The following G3BP2 variants were observed in gnomAD, a reference collection of about 807,000 sequenced individuals.
The protein encoded by G3BP2 is G3BP stress granule assembly factor 2.
Under a neutral mutation model 56.7 loss-of-function variants are expected in G3BP2, and 11 were observed. The observed-to-expected ratio is 0.19, with a 90% CI of 0.12 to 0.32. The LOEUF (loss-of-function observed/expected upper bound fraction) is 0.32, where lower values mean the gene tolerates loss of function less well. G3BP2 is among the 10% of genes least tolerant of loss of function. G3BP2 has a pLI of 1.00. For synonymous variants in G3BP2, 165 were observed against 191.6 expected, an observed-to-expected ratio of 0.86 and a Z score of 1.15; for missense variants, 340 against 610.9, an observed-to-expected ratio of 0.56 and a Z score of 4.67.
At chr4:75,659,197 T>A (rs997136628) in intron 2 of G3BP2, among the ~76,000 whole-genome samples, 9 of 152,236 alleles carry the variant, frequency 5.9e-5, no homozygotes, top group Non-Finnish European at 1.3e-4. Flanking sequence ...TCATTAGATA[T>A]TCACATCTAT....
At chr4:75,715,697 G>A (rs1719903100) in intron 3 of G3BP2, among the ~76,000 whole-genome samples, 1 of 152,220 alleles carries the variant, frequency 6.6e-6, no homozygotes, top group Admixed American at 6.5e-5. Flanking sequence ...GTGCAGGAAA[G>A]AAGACACTGA....
upstream of G3BP2, among the ~76,000 whole-genome samples, chr4:75,676,312 T>C (rs1194319872): frequency 2.0e-5 from 3 of 151,814 alleles, no homozygotes; most frequent in East Asian, 5.8e-4. Context: ...CTCACACCAA[T>C]TTATTGACAG....
chr4:75,661,865 AATAT>A (rs1234697477), intron 2 of G3BP2, 62 bp downstream of exon 2: 2 of 773,552 alleles, frequency 2.6e-6, no homozygotes, highest in African/African-American at 1.8e-5. Flanking sequence ...GGAAATGCAA[AATAT>A]ATATAGTCAT....
At chr4:75,721,591 C>T (rs6531889) in intron 2 of G3BP2, among the ~76,000 whole-genome samples, 1 of 152,052 alleles carries the variant, frequency 6.6e-6, no homozygotes, top group Non-Finnish European at 1.5e-5. Flanking sequence ...TTATAACCTA[C>T]CAAAATAATA....
At chr4:75,648,983 ACAGT>A (rs1731456536) in intron 8 of G3BP2, 1 of 311,982 alleles carries the variant, frequency 3.2e-6, no homozygotes, top group South Asian at 1.2e-4. Flanking sequence ...GTTGCTTTTT[ACAGT>A]CACATTTTTT....
chr4:75,666,086 TA>T (rs1037984034), intron 1 of G3BP2, among the ~76,000 whole-genome samples: 2 of 152,184 alleles, frequency 1.3e-5, no homozygotes, highest in African/African-American at 2.4e-5. Context: ...AAATGGTACA[TA>T]ATACATATAT....
chr4:75,666,093 T>C (rs778632131), intron 1 of G3BP2, among the ~76,000 whole-genome samples: 1 of 152,144 alleles, frequency 6.6e-6, no homozygotes, highest in Non-Finnish European at 1.5e-5. Flanking sequence ...ACATAATACA[T>C]ATATAATATC....
intron 3 of G3BP2, among the ~76,000 whole-genome samples, chr4:75,682,719 T>C (rs144148455): frequency 0.01 from 1,527 of 152,106 alleles, 20 homozygotes; most frequent in African/African-American, 0.034. Flanking sequence ...CGGTTGCTCA[T>C]GCCTGTAATC....
chr4:75,711,071 A>G (rs10033564), intron 3 of G3BP2, among the ~76,000 whole-genome samples: 98,643 of 152,008 alleles, frequency 0.65, 32,304 homozygotes, highest in East Asian at 0.87. Context: ...TGTAATCCTA[A>G]CACTTTGGGA....
chr4:75,719,347 C>G (rs1251955979), intron 3 of G3BP2, among the ~76,000 whole-genome samples: 1 of 86,982 alleles, frequency 1.1e-5, no homozygotes, highest in Non-Finnish European at 2.2e-5. Flanking sequence ...GACTCCGTCT[C>G]AAAAAAAAAA....
chr4:75,683,425 G>A (rs575133727), intron 3 of G3BP2, among the ~76,000 whole-genome samples: 65 of 152,110 alleles, frequency 4.3e-4, no homozygotes, highest in African/African-American at 1.4e-3. Context: ...TTAGCTGGGC[G>A]TGGTGGCGTG....
At chr4:75,658,517 G>T (rs6841467) in intron 3 of G3BP2, among the ~76,000 whole-genome samples, 58,150 of 151,212 alleles carry the variant, frequency 0.38, 11,934 homozygotes, top group African/African-American at 0.5. Flanking sequence ...GATCACCTGA[G>T]GTTGGGAGTT....
At chr4:75,714,934 T>C (rs986999771) in intron 3 of G3BP2, among the ~76,000 whole-genome samples, 1 of 152,192 alleles carries the variant, frequency 6.6e-6, no homozygotes, top group Non-Finnish European at 1.5e-5. Flanking sequence ...CTGCACTGCC[T>C]ACCTCCTAAT....
At chr4:75,701,224 T>C (rs1719331866) in intron 3 of G3BP2, among the ~76,000 whole-genome samples, 1 of 152,234 alleles carries the variant, frequency 6.6e-6, no homozygotes, top group Non-Finnish European at 1.5e-5. Context: ...TCTTGTTGAC[T>C]TGGGACAACA....
At chr4:75,653,613 C>T (rs1051705278) in intron 8 of G3BP2, among the ~76,000 whole-genome samples, 9 of 99,254 alleles carry the variant, frequency 9.1e-5, no homozygotes, top group African/African-American at 3.9e-4. Flanking sequence ...AAAACAAAAA[C>T]GATTCTTTAT....
chr4:75,687,627 A>G (rs1718666489), intron 3 of G3BP2, among the ~76,000 whole-genome samples: 2 of 152,236 alleles, frequency 1.3e-5, no homozygotes, highest in Admixed American at 6.5e-5. Flanking sequence ...TTTTCAAATC[A>G]TTTTTGGAGA....
At chr4:75,691,747 C>T (rs1455835878) in intron 3 of G3BP2, among the ~76,000 whole-genome samples, 1 of 152,184 alleles carries the variant, frequency 6.6e-6, no homozygotes, top group Non-Finnish European at 1.5e-5. Flanking sequence ...CCTACCTCTA[C>T]AGATTCTATT....
intron 3 of G3BP2, among the ~76,000 whole-genome samples, chr4:75,720,022 C>CTTTTCTTTTTTTT (rs1720094405): frequency 1.0e-5 from 1 of 97,320 alleles, no homozygotes; most frequent in Non-Finnish European, 1.9e-5. Context: ...GCCCAGAACC[C>CTTTTCTTTTTTTT]TTTTTTTTTT....
At chr4:75,661,761 T>C (rs1732584224) in intron 2 of G3BP2, 170 bp downstream of exon 2, 1 of 559,792 alleles carries the variant, frequency 1.8e-6, no homozygotes, top group Non-Finnish European at 3.2e-6. Flanking sequence ...TTACTGTGAG[T>C]TGCAGTTAAA....
Sources: allele counts gnomAD v4.1 joint callset (sites outside exome capture counted in the v4.1 genomes callset), GRCh38; gene constraint gnomAD v4.1.1; transcripts MANE v1.5; gene names NCBI Gene and HGNC (gene_info 2026-07-23, HGNC 2026-07-21).